The following GRIA4 variants were observed in gnomAD, a reference collection of about 807,000 sequenced individuals.
The protein encoded by GRIA4 is glutamate ionotropic receptor AMPA type subunit 4.
A neutral mutation model predicts 104.0 loss-of-function variants in GRIA4; 34 were observed. The observed-to-expected ratio is 0.33, with a 90% CI of 0.25 to 0.44. The LOEUF is 0.44. Among genes scored for constraint, GRIA4 ranks in the 20% least tolerant of loss-of-function variants. The probability of loss-of-function intolerance (pLI) is 1.00; values close to 1 mark genes in which losing one functional copy is unlikely to be tolerated. For synonymous variants in GRIA4, 386 were observed against 381.9 expected (o/e 1.01, Z -0.13); for missense variants, 750 against 1,096.5 (o/e 0.68, Z 4.46).
At chr11:105,733,323 T>C (rs1938720990) in intron 3 of GRIA4, among the ~76,000 whole-genome samples, 1 of 152,230 alleles carries the variant, frequency 6.6e-6, no homozygotes, top group Non-Finnish European at 1.5e-5. Context: ...GATACATGTA[T>C]GAAATTGTTG....
chr11:105,717,916 TGAG>T (rs1954156738), intron 3 of GRIA4, among the ~76,000 whole-genome samples: 2 of 128,930 alleles, frequency 1.6e-5, no homozygotes, highest in African/African-American at 5.9e-5. Flanking sequence ...TAAAAAATGA[TGAG>T]TTCATGCCCT....
intron 4 of GRIA4, among the ~76,000 whole-genome samples, chr11:105,839,886 A>G (rs1425648886): frequency 1.3e-5 from 2 of 152,112 alleles, no homozygotes; most frequent in Non-Finnish European, 2.9e-5. Flanking sequence ...ATTGTTAACC[A>G]TAATAAACTT....
chr11:105,974,069 G>A (rs988588896), intron 15 of GRIA4, among the ~76,000 whole-genome samples: 12 of 152,000 alleles, frequency 7.9e-5, no homozygotes, highest in Non-Finnish European at 1.6e-4. Context: ...ATGATAAAAT[G>A]TTACTGATTT....
intron 3 of GRIA4, among the ~76,000 whole-genome samples, chr11:105,699,000 C>T (rs1953388495): frequency 6.6e-6 from 1 of 152,188 alleles, no homozygotes; most frequent in Non-Finnish European, 1.5e-5. Context: ...GTCTGTGCTG[C>T]TGAGTTATCC....
intron 3 of GRIA4, among the ~76,000 whole-genome samples, chr11:105,723,369 G>T (rs1225411478): frequency 2.0e-5 from 3 of 151,884 alleles, no homozygotes; most frequent in African/African-American, 4.8e-5. Context: ...ACTGAATTAG[G>T]TCATTACACT....
At chr11:105,646,208 AAT>A (rs1482393324) in intron 3 of GRIA4, among the ~76,000 whole-genome samples, 1 of 152,236 alleles carries the variant, frequency 6.6e-6, no homozygotes. Flanking sequence ...AGTACTAGAA[AAT>A]GTATTTCAAT....
chr11:105,929,912 C>T (rs1231980249), intron 13 of GRIA4, among the ~76,000 whole-genome samples: 1 of 152,036 alleles, frequency 6.6e-6, no homozygotes, highest in Admixed American at 6.6e-5. Flanking sequence ...TCAGATAGTT[C>T]CCCATGCTTT....
chr11:105,877,105 G>C (rs1945856404), intron 5 of GRIA4, among the ~76,000 whole-genome samples: 2 of 152,106 alleles, frequency 1.3e-5, no homozygotes, highest in South Asian at 2.1e-4. Flanking sequence ...GGCAGGCCTG[G>C]TGGTGACAAA....
chr11:105,894,792 T>TA (rs1491406764), intron 6 of GRIA4, among the ~76,000 whole-genome samples: 3 of 95,748 alleles, frequency 3.1e-5, no homozygotes, highest in Non-Finnish European at 5.8e-5. Context: ...TTGCTACATA[T>TA]TTTTTTTTTT....
chr11:105,924,633 T>C lies in GRIA4; in HGVS notation c.1711T>C (p.Tyr571His). 6.2e-7 allele frequency: 1 copy of C among 1,613,092 alleles called. No individual in the cohort carries two copies. The highest frequency in any genetic ancestry group is 8.5e-7 in the Non-Finnish European group (1 of 1,179,410). ...VLFLVSRFSP[Y>H]EWHTEEPEDG... ...ATTCCTAGTTAGTAGATTTAGTCCA[T>C]ATGAGTGGCACACAGAAGAGCCAGA... is the stretch of plus-strand genomic sequence containing the variant. Residue 571 changes from tyrosine to histidine, a missense_variant, in exon 12 of 17, where the codon TAT becomes CAT. Physicochemically the swap from Tyr to His is moderately conservative, Grantham distance 83 (BLOSUM62 2). Around this residue, in one of 3 missense-constraint regions of GRIA4, gnomAD observed 272 missense variants for 524.5 expected, o/e 0.52. Transcript: ENST00000282499.
At chr11:105,612,511 T>G in intron 3 of GRIA4, 77 bp downstream of exon 3, 1 of 1,166,006 alleles carries the variant, frequency 8.6e-7, no homozygotes, top group Non-Finnish European at 1.2e-6. Flanking sequence ...CTTTGTTATT[T>G]AATTTTTTTA....
At chr11:105,846,110 TTAA>T (rs1461328582) in intron 4 of GRIA4, among the ~76,000 whole-genome samples, 1 of 152,150 alleles carries the variant, frequency 6.6e-6, no homozygotes, top group Non-Finnish European at 1.5e-5. Flanking sequence ...ATCTATACAA[TTAA>T]TAATAAGAAA....
chr11:105,633,976 ATCT>A (rs896136957), intron 3 of GRIA4, among the ~76,000 whole-genome samples: 9 of 152,276 alleles, frequency 5.9e-5, no homozygotes, highest in Non-Finnish European at 1.3e-4. Flanking sequence ...GGGTTACTCA[ATCT>A]TCCTAAGTCT....
At chr11:105,816,021 A>C (rs1003029861) in intron 4 of GRIA4, among the ~76,000 whole-genome samples, 7 of 152,110 alleles carry the variant, frequency 4.6e-5, no homozygotes, top group African/African-American at 1.4e-4. Flanking sequence ...CACACTCTGC[A>C]TGCACGTGAG....
intron 13 of GRIA4, among the ~76,000 whole-genome samples, chr11:105,927,715 C>T (rs948601984): frequency 6.6e-6 from 1 of 151,690 alleles, no homozygotes; most frequent in African/African-American, 2.4e-5. Flanking sequence ...TATCAAAAAA[C>T]CCTTTTTCTA....
At position 105,924,842 on chromosome 11, in the gene GRIA4, C is replaced by A. The variant is rs148557544; in HGVS notation, c.1847+73C>A. The A allele has an allele frequency of 5.7e-4, 662 of 1,153,454 alleles. 2 individuals are homozygous for A. In the African/African-American group the frequency reaches 9.2e-3, roughly 16 times the overall value. 71.5% of individuals were successfully genotyped at this position (1,153,454 alleles called of 1,614,324 possible). On this transcript the variant is annotated intron_variant, in intron 12 of 16. Transcript: ENST00000282499. ...AAATGTTGTGCAGATTATCTCTCTA[C>A]ATGTTCTTTTCCTGAAGACAGAGGA...
chr11:105,704,220 G>T (rs1312151698), intron 3 of GRIA4, among the ~76,000 whole-genome samples: 1 of 152,030 alleles, frequency 6.6e-6, no homozygotes, highest in East Asian at 1.9e-4. Flanking sequence ...GTTGTGGGAA[G>T]TGCTAAGAAG....
intron 16 of GRIA4, among the ~76,000 whole-genome samples, chr11:105,975,995 T>C (rs1444962040): frequency 6.6e-6 from 1 of 152,108 alleles, no homozygotes; most frequent in Non-Finnish European, 1.5e-5. Context: ...TGTCTTATGA[T>C]AGCAAAACTA....
chr11:105,761,531 C>T lies in GRIA4; in HGVS notation c.487+8311C>T, dbSNP rs145420662. ...AATAATTTGCCCAAACTCACATAGC[C>T]GTCAGTGACAGAGCTAGGACTCAAC... On this transcript the variant is annotated intron_variant, in intron 4 of 16. Coordinates refer to ENST00000282499, the MANE Select transcript of GRIA4 (RefSeq NM_000829.4). Among the ~76,000 whole-genome samples the T allele has an allele frequency of 5.9e-5, 9 of 152,204 alleles. 1 individual carries two copies. The South Asian group carries it at 6.2e-4, about 11-fold the overall frequency.
Sources: gnomAD v4.1 joint callset for allele counts (sites outside exome capture counted in the v4.1 genomes callset) on GRCh38, gnomAD v4.1.1 for gene constraint, gnomAD v4.1.1 regional missense constraint, MANE v1.5 for transcripts, NCBI Gene and HGNC (gene_info 2026-07-23, HGNC 2026-07-21) for gene names.